The following ABR variants were observed in gnomAD, a reference collection of about 807,000 sequenced individuals.
ABR encodes the protein active breakpoint cluster region-related protein.
A neutral mutation model predicts 107.2 loss-of-function variants in ABR; 35 were observed. The ratio of observed to expected loss-of-function variants is 0.33; its 90% CI spans 0.25 to 0.43. The LOEUF is 0.43. ABR is among the 20% of genes least tolerant of loss of function. ABR has a pLI of 1.00. For synonymous variants in ABR, 498 were observed against 462.0 expected (o/e 1.08, Z -1.00); for missense variants, 815 against 1,115.2 (o/e 0.73, Z 3.83).
intron 1 of ABR, among the ~76,000 whole-genome samples, chr17:1,216,786 G>C (rs2043018138): frequency 6.6e-6 from 1 of 152,200 alleles, no homozygotes; most frequent in Non-Finnish European, 1.5e-5. Flanking sequence ...AGTCACCTCA[G>C]TGAACAACAG....
intron 9 of ABR, among the ~76,000 whole-genome samples, chr17:1,067,706 G>A (rs952462873): frequency 6.6e-6 from 1 of 152,136 alleles, no homozygotes; most frequent in African/African-American, 2.4e-5. Context: ...CTGGGTGGAG[G>A]ATTACAAAGC....
chr17:1,090,297 C>T lies in ABR; in HGVS notation c.531+1368G>A, dbSNP rs117556548. 7.8e-3 allele frequency among the ~76,000 whole-genome samples: 1,191 copies of T among 152,184 alleles called. 9 individuals carry two copies. The highest frequency in any genetic ancestry group is 0.034 in the Middle Eastern group (10 of 294). On this transcript the variant is annotated intron_variant, in intron 4 of 22. Transcript: ENST00000302538. ...ACGGGTCAGTGTGCAAAGGGTCTCT[C>T]GAGCCATTCCTCGGAGCCTGACCTT... is the stretch of plus-strand genomic sequence containing the variant.
chr17:1,142,500 G>A (rs1363336204), intron 1 of ABR, among the ~76,000 whole-genome samples: 1 of 151,552 alleles, frequency 6.6e-6, no homozygotes, highest in Admixed American at 6.6e-5. Context: ...CAGGAGAATC[G>A]CTTGAACCCG....
intron 16 of ABR, among the ~76,000 whole-genome samples, chr17:1,041,310 A>G (rs997229865): frequency 2.6e-5 from 4 of 152,242 alleles, no homozygotes; most frequent in African/African-American, 9.6e-5. Flanking sequence ...TGTATCGTAA[A>G]CAGAAACAAG....
At chr17:1,202,889 C>CTTTTTTT (rs11403936) in intron 1 of ABR, among the ~76,000 whole-genome samples, 4 of 145,186 alleles carry the variant, frequency 2.8e-5, no homozygotes, top group Non-Finnish European at 4.5e-5. Context: ...TTTGCCATTA[C>CTTTTTTT]TTTTTTTTTT....
intron 16 of ABR, among the ~76,000 whole-genome samples, chr17:1,048,010 C>A (rs372728554): frequency 3.3e-5 from 5 of 152,180 alleles, no homozygotes; most frequent in Admixed American, 3.3e-4. Flanking sequence ...GCGTGGCGAC[C>A]ACTCGTCTCT....
chr17:1,207,674 G>A (rs1378826801), intron 1 of ABR, among the ~76,000 whole-genome samples: 1 of 150,892 alleles, frequency 6.6e-6, no homozygotes, highest in African/African-American at 2.4e-5. Context: ...AAAGAGAAGT[G>A]GGGGAAAAAA....
chr17:1,032,526 C>T (rs541127948), intron 16 of ABR, among the ~76,000 whole-genome samples: 14 of 152,204 alleles, frequency 9.2e-5, no homozygotes, highest in Admixed American at 3.9e-4. Context: ...AAAAGGTTTC[C>T]GCTGCCAGGG....
Position 1,050,065 on chromosome 17 carries a change from G to A in ABR, c.1776C>T (p.Gly592=). 1.9e-6 allele frequency: 3 copies of A among 1,614,050 alleles called. No individual in the cohort carries two copies. The highest frequency in any genetic ancestry group is 2.5e-6 in the Non-Finnish European group (3 of 1,179,988). The part of the protein sequence containing the change: ...DNNEIVDKIM[G]KGQIQLDPQT... ...CTGGCCTCACCTGGATCTGTCCTTT[G>A]CCCATGATCTTGTCCACGATCTCAT... The change falls in exon 16 of 23, where the codon GGC becomes GGT. Residue 592 remains glycine, a synonymous_variant. Transcript: ENST00000302538. This position sits in a 1 kb window ranked among gnomAD's most constrained non-coding sequence, Gnocchi z 4.6.
In ABR at chr17:1,009,781, AG is replaced by A; in HGVS notation, c.2239del (p.Leu747CysfsTer11). 1 of 1,613,876 alleles carries A rather than the reference AG, an allele frequency of 6.2e-7. No homozygotes were observed. Among genetic ancestry groups the A allele is most frequent in the Non-Finnish European group, 8.5e-7 (1 of 1,179,924 alleles). On this transcript the variant is annotated frameshift_variant and splice_region_variant, in exon 21 of 23. Transcript: ENST00000302538. LOFTEE classifies it high-confidence loss of function. ...GTTTTCCTTGGCAGCAGGGTCTGAC[AG>A]GGCTGTGGGAGAGAAGGGCCAGTGT... ...LYPAFMEGIA[L>X]SDPAAKENCM...
At chr17:1,094,891 C>A (rs937541193) in intron 3 of ABR, among the ~76,000 whole-genome samples, 1 of 151,972 alleles carries the variant, frequency 6.6e-6, no homozygotes, top group African/African-American at 2.4e-5. Context: ...CAGAAGGCAC[C>A]GGGAGGCAGG....
chr17:1,098,080 T>C (rs527288443), intron 3 of ABR, among the ~76,000 whole-genome samples: 6 of 151,262 alleles, frequency 4.0e-5, no homozygotes, highest in African/African-American at 9.7e-5. Flanking sequence ...CTTTTCTTTT[T>C]TTTTTTTTTT....
intron 1 of ABR, among the ~76,000 whole-genome samples, chr17:1,204,929 A>T (rs2042761589): frequency 9.6e-6 from 1 of 104,158 alleles, no homozygotes; most frequent in Admixed American, 1.5e-4. Flanking sequence ...TTTGAGACTG[A>T]GTCTCGCGCT....
At chr17:1,058,156 T>TTG in intron 11 of ABR, 111 bp from the exon 12 acceptor site, 1 of 529,500 alleles carries the variant, frequency 1.9e-6, no homozygotes, top group Non-Finnish European at 3.2e-6. Flanking sequence ...TTTTTTTTTT[T>TTG]GAGACAGAGT....
At chr17:1,073,454 G>A (rs2035418414) in intron 7 of ABR, among the ~76,000 whole-genome samples, 171 bp downstream of exon 7, 1 of 152,070 alleles carries the variant, frequency 6.6e-6, no homozygotes, top group Non-Finnish European at 1.5e-5. Context: ...CTGTATTCAG[G>A]CCCTAGCCTG....
At chr17:1,158,241 CT>C (rs544402815) in intron 1 of ABR, among the ~76,000 whole-genome samples, 2 of 151,820 alleles carry the variant, frequency 1.3e-5, no homozygotes, top group Non-Finnish European at 2.9e-5. Flanking sequence ...TCTTTTTATT[CT>C]TTTTTTAAAT....
chr17:1,161,785 C>T (rs2151570205), intron 1 of ABR, among the ~76,000 whole-genome samples: 1 of 151,748 alleles, frequency 6.6e-6, no homozygotes, highest in African/African-American at 2.4e-5. Flanking sequence ...AAACTCCTGA[C>T]CTCAGGTGAT....
chr17:1,068,148 G>T (rs774615171), intron 9 of ABR, among the ~76,000 whole-genome samples: 9 of 152,190 alleles, frequency 5.9e-5, no homozygotes, highest in Non-Finnish European at 1.2e-4. Flanking sequence ...GGCCAGGCTG[G>T]TCTCAAACTC....
intron 17 of ABR, 37 bp downstream of exon 17, chr17:1,013,068 C>T (rs376515484): frequency 1.9e-5 from 30 of 1,610,682 alleles, no homozygotes; most frequent in Admixed American, 3.3e-5. Flanking sequence ...TTCCACCTCC[C>T]GGCTCACGCC....
Sources: gnomAD v4.1 joint callset for allele counts (sites outside exome capture counted in the v4.1 genomes callset) on GRCh38, gnomAD v4.1.1 for gene constraint, Gnocchi (gnomAD v3.1) non-coding constraint, MANE v1.5 for transcripts, NCBI Gene and HGNC (gene_info 2026-07-23, HGNC 2026-07-21) for gene names.